Variants in TNFRSF10B observed in about 807,000 individuals in gnomAD.
The protein encoded by TNFRSF10B is tumor necrosis factor receptor superfamily member 10B.
TNFRSF10B carries 35 observed loss-of-function variants against 41.4 expected under a neutral mutation model. The ratio of observed to expected loss-of-function variants is 0.85; its 90% CI spans 0.65 to 1.12. TNFRSF10B has a LOEUF of 1.12. Among genes scored for constraint, TNFRSF10B ranks in the 50% most tolerant of loss-of-function variants. The probability of loss-of-function intolerance (pLI) is 0.00; values close to 1 mark genes in which losing one functional copy is unlikely to be tolerated. For synonymous variants in TNFRSF10B, 230 were observed against 215.5 expected (o/e 1.07, Z -0.59); for missense variants, 584 against 552.7 (o/e 1.06, Z -0.57).
At chr8:23,068,407 G>A (rs996866797) in intron 1 of TNFRSF10B, 9 of 394,396 alleles carry the variant, frequency 2.3e-5, no homozygotes, top group African/African-American at 1.9e-4. Context: ...GAGAAAAAGA[G>A]AAAGAAACAG....
intron 1 of TNFRSF10B, chr8:23,068,460 C>G: frequency 1.9e-6 from 1 of 523,102 alleles, no homozygotes; most frequent in Non-Finnish European, 3.4e-6. Flanking sequence ...ACGACCTCTC[C>G]GTGGCTTCAC....
chr8:23,025,775 T>G (rs564213158), intron 7 of TNFRSF10B, among the ~76,000 whole-genome samples: 1 of 152,292 alleles, frequency 6.6e-6, no homozygotes, highest in Admixed American at 6.5e-5. Flanking sequence ...ATGGGTGACC[T>G]GCTTTCAAAA....
chr8:23,041,698 C>G (rs951011468), intron 2 of TNFRSF10B, among the ~76,000 whole-genome samples: 1 of 151,390 alleles, frequency 6.6e-6, no homozygotes, highest in East Asian at 1.9e-4. Flanking sequence ...TGAACAGATT[C>G]TTGACCTCAT....
chr8:23,028,972 A>G (rs1240111865), intron 4 of TNFRSF10B, among the ~76,000 whole-genome samples: 2 of 152,184 alleles, frequency 1.3e-5, no homozygotes, highest in Non-Finnish European at 2.9e-5. Flanking sequence ...GTCAACCACA[A>G]AAGTGAGCTC....
chr8:23,022,568 C>T lies in TNFRSF10B; in HGVS notation c.*103G>A. On this transcript the variant is annotated 3_prime_UTR_variant, in exon 9 of 9. Transcript: ENST00000276431. ...TGGGAGAGTTTCTTCCAGTACCGGTCATGTGACAATTGTGGCACTTTCCTA... is the reference window on the plus strand; with the variant it reads ...TGGGAGAGTTTCTTCCAGTACCGGTTATGTGACAATTGTGGCACTTTCCTA... 2.4e-6 allele frequency: 3 copies of T among 1,248,908 alleles called. No individual in the cohort carries two copies. Among genetic ancestry groups the T allele is most frequent in the Non-Finnish European group, 3.5e-6 (3 of 865,542 alleles). 77.4% of individuals were successfully genotyped at this position (1,248,908 alleles called of 1,614,324 possible).
At chr8:23,047,667 C>G (rs1288906932) in intron 1 of TNFRSF10B, among the ~76,000 whole-genome samples, 1 of 151,360 alleles carries the variant, frequency 6.6e-6, no homozygotes, top group Non-Finnish European at 1.5e-5. Flanking sequence ...TCATCTCATA[C>G]CTATCAGAAT....
intron 7 of TNFRSF10B, among the ~76,000 whole-genome samples, 161 bp from the exon 8 acceptor site, chr8:23,024,421 C>T (rs771073849): frequency 2.0e-5 from 3 of 152,058 alleles, no homozygotes; most frequent in Non-Finnish European, 2.9e-5. Flanking sequence ...GCAAGACTCT[C>T]GGAAGGAGGC....
At position 23,029,740 on chromosome 8, in the gene TNFRSF10B, G is replaced by C. The variant is rs371230245; in HGVS notation, c.365-19C>G. 72 of 1,608,210 alleles carry C rather than the reference G, an allele frequency of 4.5e-5. No homozygotes were observed. In the African/African-American group the frequency reaches 7.9e-4, roughly 18 times the overall value. On this transcript the variant is annotated intron_variant, in intron 3 of 8. Coordinates refer to ENST00000276431, the MANE Select transcript of TNFRSF10B (RefSeq NM_003842.5). ...ACTTCACCTGACGACAGAGCATAAG[G>C]TTTTGGGAATGTGTTTTCCTGATGT...
At chr8:23,037,765 A>G (rs1263490453) in intron 2 of TNFRSF10B, among the ~76,000 whole-genome samples, 4 of 152,208 alleles carry the variant, frequency 2.6e-5, no homozygotes, top group Non-Finnish European at 5.9e-5. Flanking sequence ...GGCTGCAACA[A>G]GGTTCTCCAG....
In TNFRSF10B at chr8:23,022,344, A is replaced by T. The variant is rs189073621; in HGVS notation, c.*327T>A. 5.4e-4 allele frequency: 259 copies of T among 478,838 alleles called. No individual in the cohort carries two copies. The highest frequency in any genetic ancestry group is 8.6e-4 in the Non-Finnish European group (210 of 243,716). 29.7% of individuals were successfully genotyped at this position (478,838 alleles called of 1,614,324 possible). On this transcript the variant is annotated 3_prime_UTR_variant, in exon 9 of 9. Coordinates refer to ENST00000276431, the MANE Select transcript of TNFRSF10B (RefSeq NM_003842.5). ...GTAGATGGATCTTACAATGTAGCCC[A>T]AATAAATAAATAAAGCATTTACATT...
intron 5 of TNFRSF10B, chr8:23,028,004 A>G: frequency 1.6e-6 from 1 of 606,132 alleles, no homozygotes; most frequent in South Asian, 2.0e-5. Flanking sequence ...AAATCCCACG[A>G]CCACTTCTCA....
intron 8 of TNFRSF10B, among the ~76,000 whole-genome samples, chr8:23,023,897 G>A (rs1430616341): frequency 6.6e-6 from 1 of 152,196 alleles, no homozygotes; most frequent in African/African-American, 2.4e-5. Flanking sequence ...CAGCCCCTCA[G>A]GAGGTCCTCA....
intron 2 of TNFRSF10B, among the ~76,000 whole-genome samples, chr8:23,031,086 T>A (rs945068934): frequency 1.6e-4 from 25 of 152,228 alleles, no homozygotes; most frequent in South Asian, 2.1e-4. Context: ...ATTTTATTTT[T>A]TATTTTTGAG....
At chr8:23,063,509 A>G (rs1812893199) in intron 1 of TNFRSF10B, among the ~76,000 whole-genome samples, 2 of 151,692 alleles carry the variant, frequency 1.3e-5, no homozygotes, top group Admixed American at 1.3e-4. Flanking sequence ...ATGCCCATTT[A>G]CTCTTTCTTA....
At position 23,033,810 on chromosome 8, in the gene TNFRSF10B, G is replaced by GGA. The variant is rs367617707; in HGVS notation, c.251-2940_251-2939dup. Among the ~76,000 whole-genome samples the GGA allele has an allele frequency of 3.8e-3, 570 of 151,936 alleles. 4 individuals are homozygous for GGA. The highest frequency in any genetic ancestry group is 0.013 in the African/African-American group (545 of 41,420). On this transcript the variant is annotated intron_variant, in intron 2 of 8. Transcript: ENST00000276431. Reference sequence around the variant, plus strand: ...TCCTTGCACACACCAGAAGAGGGGGGGAGAGAGAGAGCGAGCAAGCGAGAG... The same window carrying GGA: ...TCCTTGCACACACCAGAAGAGGGGGGGAGAGAGAGAGAGCGAGCAAGCGAGAG...
At chr8:23,047,910 T>G (rs991750457) in intron 1 of TNFRSF10B, among the ~76,000 whole-genome samples, 14 of 152,352 alleles carry the variant, frequency 9.2e-5, no homozygotes, top group African/African-American at 2.6e-4. Context: ...CACTTCCATG[T>G]TCATTGCAGC....
intron 7 of TNFRSF10B, 134 bp downstream of exon 7, chr8:23,026,999 C>T (rs1232495200): frequency 3.8e-6 from 5 of 1,328,756 alleles, no homozygotes; most frequent in Admixed American, 1.9e-5. Context: ...CTGCTCCATC[C>T]CCTGCAGTCC....
Position 23,022,031 on chromosome 8 carries a change from G to A in TNFRSF10B, c.*640C>T. ...TCCACCGCTTTGGGAGTCTGAGGTG[G>A]GCAGACTGCTTGAGTCCAGGAATTC... is the stretch of plus-strand genomic sequence containing the variant. On this transcript the variant is annotated 3_prime_UTR_variant, in exon 9 of 9. Transcript: ENST00000276431. 1 of 449,816 alleles carries A rather than the reference G, an allele frequency of 2.2e-6. No individual in the cohort carries two copies. The highest frequency in any genetic ancestry group is 4.5e-6 in the Non-Finnish European group (1 of 223,860). 27.9% of individuals were successfully genotyped at this position (449,816 alleles called of 1,614,324 possible).
At chr8:23,038,987 T>C (rs994916005) in intron 2 of TNFRSF10B, among the ~76,000 whole-genome samples, 8 of 152,000 alleles carry the variant, frequency 5.3e-5, no homozygotes, top group African/African-American at 1.7e-4. Context: ...GAAATAATTA[T>C]ACAACTCACT....
Sources: gnomAD v4.1 joint callset for allele counts (sites outside exome capture counted in the v4.1 genomes callset) on GRCh38, gnomAD v4.1.1 for gene constraint, MANE v1.5 for transcripts, NCBI Gene and HGNC (gene_info 2026-07-23, HGNC 2026-07-21) for gene names.